The following ITCH variants were observed in gnomAD, a reference collection of about 807,000 sequenced individuals.
The protein encoded by ITCH is itchy E3 ubiquitin protein ligase.
A neutral mutation model predicts 126.8 loss-of-function variants in ITCH; 28 were observed. The ratio of observed to expected loss-of-function variants is 0.22; its 90% CI spans 0.16 to 0.30. The LOEUF is 0.30. Among genes scored for constraint, ITCH ranks in the 10% least tolerant of loss-of-function variants. The pLI, the probability that ITCH is intolerant of heterozygous loss-of-function variation, is 1.00. For synonymous variants in ITCH, 342 were observed against 340.0 expected (o/e 1.01, Z -0.06); for missense variants, 631 against 1,032.4 (o/e 0.61, Z 5.33).
chr20:34,418,848 A>G (rs1211800136), intron 6 of ITCH, among the ~76,000 whole-genome samples: 1 of 134,822 alleles, frequency 7.4e-6, no homozygotes, highest in Non-Finnish European at 1.5e-5. Flanking sequence ...CGCAACCTCC[A>G]TCTCCTGGGT....
At chr20:34,368,937 G>T (rs919787833) in intron 1 of ITCH, among the ~76,000 whole-genome samples, 1 of 151,996 alleles carries the variant, frequency 6.6e-6, no homozygotes, top group African/African-American at 2.4e-5. Flanking sequence ...TCTTTCTTTT[G>T]TCCTGTCTGC....
intron 7 of ITCH, among the ~76,000 whole-genome samples, chr20:34,426,144 A>C (rs1368689691): frequency 6.6e-6 from 1 of 152,256 alleles, no homozygotes; most frequent in Non-Finnish European, 1.5e-5. Context: ...GAGTGCAGTG[A>C]TTATAAAATT....
chr20:34,429,328 C>T (rs1422423646), intron 7 of ITCH, among the ~76,000 whole-genome samples: 1 of 152,142 alleles, frequency 6.6e-6, no homozygotes, highest in Non-Finnish European at 1.5e-5. Context: ...TTTTCAAAAT[C>T]TATTTTTAGT....
chr20:34,475,957 G>A lies in ITCH; in HGVS notation c.1570-1815G>A, dbSNP rs1248602695. On this transcript the variant is annotated intron_variant, in intron 16 of 24. Transcript: ENST00000374864. ...TCTTGCCCACATCAATGGATTGTCT[G>A]GCATCAGCCACTGTTTCAGGCACTC... 5 of 1,560,386 alleles carry A rather than the reference G, an allele frequency of 3.2e-6. No homozygotes were observed. The African/African-American group carries it at 6.8e-5, about 21-fold the overall frequency.
At chr20:34,363,828 T>A (rs1434331208) in intron 1 of ITCH, among the ~76,000 whole-genome samples, 1 of 152,118 alleles carries the variant, frequency 6.6e-6, no homozygotes, top group African/African-American at 2.4e-5. Context: ...CCCCAGTCGC[T>A]AGAAGGGCCC....
intron 10 of ITCH, among the ~76,000 whole-genome samples, 176 bp downstream of exon 10, chr20:34,442,479 G>A (rs1983875898): frequency 6.6e-6 from 1 of 152,144 alleles, no homozygotes; most frequent in African/African-American, 2.4e-5. Flanking sequence ...TTAATTCAGA[G>A]CCTGATAAAC....
intron 16 of ITCH, among the ~76,000 whole-genome samples, chr20:34,477,154 C>A (rs1387279792): frequency 3.3e-5 from 5 of 152,140 alleles, no homozygotes; most frequent in African/African-American, 1.2e-4. Context: ...ACCACAAAAA[C>A]CCCACCCAAC....
chr20:34,499,430 A>G (rs989460302), intron 23 of ITCH, among the ~76,000 whole-genome samples: 4 of 150,928 alleles, frequency 2.7e-5, no homozygotes, highest in Non-Finnish European at 4.4e-5. Context: ...CAGTCTTGGT[A>G]GGTTGTATGT....
At chr20:34,491,556 T>C (rs1400423397) in intron 22 of ITCH, among the ~76,000 whole-genome samples, 1 of 145,810 alleles carries the variant, frequency 6.9e-6, no homozygotes, top group Non-Finnish European at 1.5e-5. Context: ...ATGTTGTGTA[T>C]ATTTTACAAA....
At chr20:34,402,260 G>C (rs1333184240) in intron 3 of ITCH, 4 of 1,250,338 alleles carry the variant, frequency 3.2e-6, no homozygotes, top group East Asian at 2.3e-5. Flanking sequence ...AACACTCCAC[G>C]TACTTGACAG....
rs374226560 is a variant in ITCH at position 34,504,357 on chromosome 20, A to G, written c.2443A>G (p.Ile815Val). The change falls in exon 24 of 25, where the codon ATT becomes GTT. Residue 815 changes from isoleucine (I) to valine (V), a missense_variant. Ile to Val is a conservative substitution (Grantham distance 29). Around this residue, in one of 4 missense-constraint regions of ITCH, gnomAD observed 390 missense variants for 731.6 expected, o/e 0.53. Transcript: ENST00000374864. ...GAGCAATGGACCACAGAAATTCTGC[A>G]TTGAAAAAGTTGGGAAAGAAAATTG... Reference protein sequence around the residue: ...MGSNGPQKFCIEKVGKENWLP... With the variant: ...MGSNGPQKFCVEKVGKENWLP... 1 of 1,613,636 alleles carries G rather than the reference A, an allele frequency of 6.2e-7. No individual in the cohort carries two copies. The highest frequency in any genetic ancestry group is 8.5e-7 in the Non-Finnish European group (1 of 1,179,520).
At chr20:34,463,133 C>G (rs775896595) in intron 14 of ITCH, among the ~76,000 whole-genome samples, 1 of 152,188 alleles carries the variant, frequency 6.6e-6, no homozygotes, top group Non-Finnish European at 1.5e-5. Context: ...GAGGCCAAGG[C>G]AGGCGGATCA....
chr20:34,376,555 A>G (rs1294968102), intron 2 of ITCH, among the ~76,000 whole-genome samples: 1 of 152,126 alleles, frequency 6.6e-6, no homozygotes, highest in African/African-American at 2.4e-5. Context: ...GGCAGATAGA[A>G]GGAGGGAAGT....
intron 6 of ITCH, among the ~76,000 whole-genome samples, chr20:34,421,864 G>A (rs953771078): frequency 6.6e-6 from 1 of 152,072 alleles, no homozygotes; most frequent in Non-Finnish European, 1.5e-5. Context: ...TTTAAAAAAT[G>A]TAGCTGATTT....
chr20:34,498,836 C>T (rs550896858), intron 23 of ITCH, among the ~76,000 whole-genome samples: 29 of 151,518 alleles, frequency 1.9e-4, no homozygotes, highest in African/African-American at 5.3e-4. Context: ...ATCAGGGTAA[C>T]GCTGGCCTTG....
chr20:34,485,956 T>C (rs1989075835), intron 20 of ITCH, among the ~76,000 whole-genome samples: 1 of 152,212 alleles, frequency 6.6e-6, no homozygotes, highest in Admixed American at 6.5e-5. Context: ...TTTTCTAATA[T>C]AAGGATTTAA....
chr20:34,504,768 A>G (rs1230224634), intron 24 of ITCH, among the ~76,000 whole-genome samples: 1 of 152,194 alleles, frequency 6.6e-6, no homozygotes, highest in Non-Finnish European at 1.5e-5. Context: ...TCCTAATCTG[A>G]CAGCAAATAT....
chr20:34,477,269 G>A (rs771098037), intron 16 of ITCH, among the ~76,000 whole-genome samples: 3 of 152,302 alleles, frequency 2.0e-5, no homozygotes, highest in South Asian at 2.1e-4. Context: ...GATGGCTCAC[G>A]TCTGTAATCC....
chr20:34,422,195 A>G (rs1980868098), intron 6 of ITCH, among the ~76,000 whole-genome samples: 1 of 152,222 alleles, frequency 6.6e-6, no homozygotes, highest in African/African-American at 2.4e-5. Context: ...CATTTTATAT[A>G]TGCAGGAAAA....
Sources: allele counts gnomAD v4.1 joint callset (sites outside exome capture counted in the v4.1 genomes callset), GRCh38; gene constraint gnomAD v4.1.1; regional missense constraint gnomAD v4.1.1; transcripts MANE v1.5; gene names NCBI Gene and HGNC (gene_info 2026-07-23, HGNC 2026-07-21).